The following KHDRBS2 variants were observed in gnomAD, a reference collection of about 807,000 sequenced individuals.
KHDRBS2 encodes KH domain-containing, RNA-binding, signal transduction-associated protein 2.
In KHDRBS2, 26 loss-of-function variants were observed where a neutral mutation model predicts 44.3. The observed-to-expected ratio is 0.59, with a 90% CI of 0.43 to 0.81. KHDRBS2 has a LOEUF of 0.81. KHDRBS2 is among the 40% of genes least tolerant of loss of function. The pLI is 0.00. For missense variants in KHDRBS2, 476 were observed against 433.1 expected, an observed-to-expected ratio of 1.10 and a Z score of -0.88; for synonymous variants, 194 against 151.1, an observed-to-expected ratio of 1.28 and a Z score of -2.08.
chr6:62,256,044 A>G (rs1837349293), intron 1 of KHDRBS2, among the ~76,000 whole-genome samples: 1 of 151,916 alleles, frequency 6.6e-6, no homozygotes, highest in African/African-American at 2.4e-5. Context: ...CTGAGACTGG[A>G]GAATCGCTTG....
chr6:62,005,069 T>G (rs893324572), intron 3 of KHDRBS2, among the ~76,000 whole-genome samples: 6 of 152,062 alleles, frequency 3.9e-5, no homozygotes, highest in African/African-American at 1.4e-4. Flanking sequence ...AACACTTCAT[T>G]TTTAGAGTTC....
intron 4 of KHDRBS2, among the ~76,000 whole-genome samples, chr6:61,917,284 T>G (rs1562437987): frequency 6.6e-6 from 1 of 151,834 alleles, no homozygotes; most frequent in African/African-American, 2.4e-5. Flanking sequence ...TGAGTTTGTA[T>G]GAAGCCAAGG....
chr6:61,560,664 A>G, the KHDRBS2 span, among the ~76,000 whole-genome samples: 1 of 151,990 alleles, frequency 6.6e-6, no homozygotes, highest in Non-Finnish European at 1.5e-5. Context: ...GATTCTTTTT[A>G]GTGTTTTCAA....
chr6:61,748,618 A>T (rs1484104270), intron 6 of KHDRBS2, among the ~76,000 whole-genome samples: 4 of 152,264 alleles, frequency 2.6e-5, no homozygotes, highest in African/African-American at 9.6e-5. Context: ...AATGTAACTT[A>T]TATGGGCTAA....
chr6:62,275,885 A>C (rs1840857751), intron 1 of KHDRBS2, among the ~76,000 whole-genome samples: 1 of 152,168 alleles, frequency 6.6e-6, no homozygotes. Context: ...AATAGGGACA[A>C]TATTAGCTGC....
At chr6:61,930,728 ATCAATATAAG>A (rs1809890844) in intron 4 of KHDRBS2, among the ~76,000 whole-genome samples, 1 of 115,184 alleles carries the variant, frequency 8.7e-6, no homozygotes, top group Non-Finnish European at 1.9e-5. Flanking sequence ...AAGACGGCTA[ATCAATATAAG>A]TCAACATAAG....
rs576049872 is a variant in KHDRBS2 at position 61,801,307 on chromosome 6, G to A, written c.811-68543C>T. ...CCTTAAGGAGTCTAAATACTACTTG[G>A]AGAACAGAATATAGTGAAATAAAAT... On this transcript the variant is annotated intron_variant, in intron 6 of 8. Transcript: ENST00000281156. 2.6e-5 allele frequency among the ~76,000 whole-genome samples: 4 copies of A among 152,024 alleles called. No homozygotes were observed. In the South Asian group the frequency reaches 8.3e-4, roughly 32 times the overall value.
At chr6:61,545,267 G>A in the KHDRBS2 span, among the ~76,000 whole-genome samples, 4 of 151,956 alleles carry the variant, frequency 2.6e-5, no homozygotes, top group Non-Finnish European at 5.9e-5. Context: ...GTAACAAAGT[G>A]AGACCCCATC....
At chr6:62,235,534 A>T (rs756552399) in intron 1 of KHDRBS2, among the ~76,000 whole-genome samples, 1 of 151,986 alleles carries the variant, frequency 6.6e-6, no homozygotes, top group Non-Finnish European at 1.5e-5. Flanking sequence ...CTGGGATCAG[A>T]TATTATGTAC....
intron 3 of KHDRBS2, among the ~76,000 whole-genome samples, chr6:61,999,282 T>G (rs957732756): frequency 1.3e-5 from 2 of 152,142 alleles, no homozygotes; most frequent in Non-Finnish European, 1.5e-5. Context: ...AACTTTTCTT[T>G]CTGTATTAGC....
At chr6:62,086,509 T>C (rs574689364) in intron 2 of KHDRBS2, among the ~76,000 whole-genome samples, 3 of 152,168 alleles carry the variant, frequency 2.0e-5, no homozygotes, top group South Asian at 4.1e-4. Flanking sequence ...GGTGGCATAG[T>C]GTTGAAATCT....
At chr6:62,164,748 C>CA (rs1818328763) in intron 2 of KHDRBS2, among the ~76,000 whole-genome samples, 2 of 151,838 alleles carry the variant, frequency 1.3e-5, no homozygotes, top group African/African-American at 4.8e-5. Flanking sequence ...ATTAATTTTG[C>CA]AAAATTGCCC....
chr6:62,073,523 C>CT (rs1034284454), intron 2 of KHDRBS2, among the ~76,000 whole-genome samples: 3 of 114,316 alleles, frequency 2.6e-5, no homozygotes, highest in East Asian at 2.5e-4. Flanking sequence ...TGATTTTTTT[C>CT]TTTTTTCTTT....
intron 2 of KHDRBS2, among the ~76,000 whole-genome samples, chr6:62,123,674 C>G (rs927453531): frequency 1.3e-5 from 2 of 152,134 alleles, no homozygotes; most frequent in African/African-American, 4.8e-5. Context: ...TTTAATTTTT[C>G]AGAGAGCATT....
intron 2 of KHDRBS2, among the ~76,000 whole-genome samples, chr6:62,055,898 G>C (rs1790176165): frequency 6.6e-6 from 1 of 151,976 alleles, no homozygotes; most frequent in Non-Finnish European, 1.5e-5. Context: ...GGATGTGGCA[G>C]CCCCACAGAC....
the KHDRBS2 span, among the ~76,000 whole-genome samples, chr6:61,551,305 A>AT: frequency 6.6e-6 from 1 of 151,664 alleles, no homozygotes; most frequent in Non-Finnish European, 1.5e-5. Context: ...ATTTTTTCCC[A>AT]TTTTGTAGGT....
In KHDRBS2 at chr6:62,038,321, A is replaced by AT. The variant is rs5876773; in HGVS notation, c.336+9556dup. Among the ~76,000 whole-genome samples the AT allele has an allele frequency of 4.7e-3, 697 of 148,524 alleles. 5 individuals carry two copies. The highest frequency in any genetic ancestry group is 0.015 in the African/African-American group (595 of 40,310). ...TATTCATTAGATTGAGAAGCTGCTG[A>AT]TTTTTTTTTTTTCTTTTTTGGTCTT... is the stretch of plus-strand genomic sequence containing the variant. On this transcript the variant is annotated intron_variant, in intron 3 of 8. Coordinates refer to ENST00000281156, the MANE Select transcript of KHDRBS2 (RefSeq NM_152688.4).
chr6:62,080,071 A>C (rs948096764), intron 2 of KHDRBS2, among the ~76,000 whole-genome samples: 5 of 152,074 alleles, frequency 3.3e-5, no homozygotes, highest in Non-Finnish European at 5.9e-5. Flanking sequence ...TTGTAATTAT[A>C]AAATACATAA....
chr6:61,838,993 C>T (rs1358529447), intron 6 of KHDRBS2, among the ~76,000 whole-genome samples: 1 of 152,038 alleles, frequency 6.6e-6, no homozygotes, highest in African/African-American at 2.4e-5. Flanking sequence ...CCTCCAGTAT[C>T]ACAATGCTCC....
Sources: allele counts gnomAD v4.1 joint callset (sites outside exome capture counted in the v4.1 genomes callset), GRCh38; gene constraint gnomAD v4.1.1; transcripts MANE v1.5; gene names NCBI Gene and HGNC (gene_info 2026-07-23, HGNC 2026-07-21).